Variants in PRDM16 observed in about 807,000 individuals in gnomAD.
PRDM16 encodes histone-lysine N-methyltransferase PRDM16.
A neutral mutation model predicts 110.6 loss-of-function variants in PRDM16; 23 were observed. That is an observed-to-expected ratio of 0.21 (90% CI 0.15 to 0.29). The LOEUF (loss-of-function observed/expected upper bound fraction) is 0.29. Among genes scored for constraint, PRDM16 ranks in the 10% least tolerant of loss-of-function variants. PRDM16 has a pLI of 1.00. For synonymous variants in PRDM16, 799 were observed against 781.8 expected, an observed-to-expected ratio of 1.02 and a Z score of -0.37; for missense variants, 1,615 against 1,794.3, an observed-to-expected ratio of 0.90 and a Z score of 1.81.
intron 1 of PRDM16, among the ~76,000 whole-genome samples, chr1:3,089,481 C>T (rs1642224094): frequency 6.6e-6 from 1 of 152,400 alleles, no homozygotes; most frequent in Non-Finnish European, 1.5e-5. Flanking sequence ...GTGGAAACTT[C>T]TCAGAGCACA....
intron 3 of PRDM16, among the ~76,000 whole-genome samples, chr1:3,347,842 G>A (rs931500805): frequency 4.6e-5 from 7 of 152,194 alleles, no homozygotes; most frequent in African/African-American, 9.7e-5. Context: ...CAGCCACCTG[G>A]TAGTGTGGTC....
At chr1:3,192,234 C>T (rs981017270) in intron 2 of PRDM16, among the ~76,000 whole-genome samples, 4 of 152,130 alleles carry the variant, frequency 2.6e-5, no homozygotes, top group African/African-American at 4.8e-5. Context: ...GGGGATCATC[C>T]GTGTCGCCAG....
chr1:3,130,688 T>C (rs2817178), intron 1 of PRDM16, among the ~76,000 whole-genome samples: 84,577 of 151,564 alleles, frequency 0.56, 26,337 homozygotes, highest in African/African-American at 0.85. Context: ...TTCTTAATTT[T>C]CAAGAGCCCA....
chr1:3,114,448 C>T (rs544740101), intron 1 of PRDM16, among the ~76,000 whole-genome samples: 154 of 137,958 alleles, frequency 1.1e-3, no homozygotes, highest in Middle Eastern at 7.8e-3. Flanking sequence ...CAGACGCACA[C>T]GCACACACAC....
chr1:3,154,738 C>T (rs968289991), intron 1 of PRDM16, among the ~76,000 whole-genome samples: 1 of 152,166 alleles, frequency 6.6e-6, no homozygotes, highest in Non-Finnish European at 1.5e-5. Flanking sequence ...GTGGGCTGAC[C>T]GCTGCTGACC....
At chr1:3,204,865 C>T (rs1434210956) in intron 2 of PRDM16, among the ~76,000 whole-genome samples, 1 of 152,106 alleles carries the variant, frequency 6.6e-6, no homozygotes, top group Non-Finnish European at 1.5e-5. Flanking sequence ...AGGAGCCCAG[C>T]GGTTGGCTAA....
At chr1:3,223,195 C>T (rs1295549145) in intron 2 of PRDM16, among the ~76,000 whole-genome samples, 12 of 148,892 alleles carry the variant, frequency 8.1e-5, no homozygotes, top group African/African-American at 1.3e-4. Flanking sequence ...CTGCAACCTC[C>T]GAAAATCAAG....
chr1:3,383,259 C>T (rs1643135965), intron 3 of PRDM16, among the ~76,000 whole-genome samples: 1 of 152,306 alleles, frequency 6.6e-6, no homozygotes, highest in African/African-American at 2.4e-5. Context: ...CAGGGGCAGG[C>T]ACGGCTGTGT....
At chr1:3,276,624 G>A (rs1361891896) in intron 3 of PRDM16, among the ~76,000 whole-genome samples, 2 of 140,812 alleles carry the variant, frequency 1.4e-5, no homozygotes, top group East Asian at 4.2e-4. Flanking sequence ...CAGGGAAGCT[G>A]CAGGGCCTTG....
At chr1:3,207,527 T>C (rs1480397418) in intron 2 of PRDM16, 1 of 152,256 alleles carries the variant, frequency 6.6e-6, no homozygotes, top group Non-Finnish European at 1.5e-5. Flanking sequence ...GAGGTCCCTT[T>C]GCCCAGTTCT....
At chr1:3,386,628 T>A (rs1643204705) in intron 4 of PRDM16, 1 of 152,200 alleles carries the variant, frequency 6.6e-6, no homozygotes, top group Admixed American at 6.5e-5. Context: ...AAAAGAATAA[T>A]CATAAACATA....
chr1:3,085,622 C>T lies in PRDM16; in HGVS notation c.37+16326C>T, dbSNP rs139725700. Among the ~76,000 whole-genome samples the T allele has an allele frequency of 2.5e-4, 38 of 152,342 alleles. 1 individual carries two copies. The East Asian group carries it at 3.9e-3, about 15-fold the overall frequency. ...TCTGCTGAGTGGGGTAATCCATCCT[C>T]GTGGGGCTGTGGTGTCATCAAGAAC... On this transcript the variant is annotated intron_variant, in intron 1 of 16. Coordinates refer to ENST00000270722, the MANE Select transcript of PRDM16 (RefSeq NM_022114.4).
chr1:3,189,308 G>A (rs944109113), intron 2 of PRDM16, among the ~76,000 whole-genome samples: 1 of 152,218 alleles, frequency 6.6e-6, no homozygotes, highest in African/African-American at 2.4e-5. Flanking sequence ...GGCCAGAGCA[G>A]GCCTGGTACA....
At chr1:3,181,868 ACACACGGTCTTG>A (rs1217301297) in intron 1 of PRDM16, among the ~76,000 whole-genome samples, 8 of 101,570 alleles carry the variant, frequency 7.9e-5, no homozygotes, top group African/African-American at 2.7e-4. Flanking sequence ...ACGCAGTCTT[ACACACGGTCTTG>A]CACACGCAGT....
intron 8 of PRDM16, among the ~76,000 whole-genome samples, chr1:3,407,110 G>T (rs56394425): frequency 0.12 from 18,757 of 152,246 alleles, 1,376 homozygotes; most frequent in East Asian, 0.3. Context: ...GCCTGGAGAG[G>T]CGGGGTGCTG....
chr1:3,330,577 G>A (rs758651982), intron 3 of PRDM16, among the ~76,000 whole-genome samples: 3 of 152,092 alleles, frequency 2.0e-5, no homozygotes, highest in Non-Finnish European at 4.4e-5. Context: ...GCCTCAGCAG[G>A]GGCCACTTTT....
Position 3,157,977 on chromosome 1 carries a change from C to T in PRDM16, c.38-28148C>T, listed in dbSNP as rs1643871194. ...ACAAATGATAAAAACAATGACTGCT[C>T]ATTGCAGAAAATACAGAAACAGATT... On this transcript the variant is annotated intron_variant, in intron 1 of 16. Coordinates refer to ENST00000270722, the MANE Select transcript of PRDM16 (RefSeq NM_022114.4). The surrounding 1 kb of genome is among the most constrained non-coding windows in gnomAD (Gnocchi z 4.8). Among the ~76,000 whole-genome samples the T allele has an allele frequency of 1.3e-5, 2 of 152,234 alleles. No individual in the cohort carries two copies. Among genetic ancestry groups the T allele is most frequent in the African/African-American group, 2.4e-5 (1 of 41,464 alleles).
intron 2 of PRDM16, among the ~76,000 whole-genome samples, chr1:3,211,464 AC>A (rs1638880731): frequency 6.6e-6 from 1 of 151,964 alleles, no homozygotes; most frequent in Non-Finnish European, 1.5e-5. Context: ...CCGTGGGTGG[AC>A]TCCTAAGAAA....
intron 1 of PRDM16, among the ~76,000 whole-genome samples, chr1:3,094,993 C>T (rs914307878): frequency 3.9e-5 from 6 of 152,200 alleles, no homozygotes; most frequent in East Asian, 1.9e-4. Flanking sequence ...CCGTGCTGGG[C>T]GAGATGAAGC....
Sources: gnomAD v4.1 joint callset for allele counts (sites outside exome capture counted in the v4.1 genomes callset) on GRCh38, gnomAD v4.1.1 for gene constraint, Gnocchi (gnomAD v3.1) non-coding constraint, MANE v1.5 for transcripts, NCBI Gene and HGNC (gene_info 2026-07-23, HGNC 2026-07-21) for gene names.